TENM3: variants seen among roughly 807,000 people sequenced by gnomAD.
TENM3 encodes teneurin-3.
In TENM3, 63 loss-of-function variants were observed where a neutral mutation model predicts 255.1. That is an observed-to-expected ratio of 0.25 (90% CI 0.20 to 0.30). TENM3 has a LOEUF of 0.30. Among genes scored for constraint, TENM3 ranks in the 10% least tolerant of loss-of-function variants. The pLI, the probability that TENM3 is intolerant of heterozygous loss-of-function variation, is 1.00. For missense variants in TENM3, 2,929 were observed against 3,461.1 expected, an observed-to-expected ratio of 0.85 and a Z score of 3.86; for synonymous variants, 1,306 against 1,322.3, an observed-to-expected ratio of 0.99 and a Z score of 0.27.
At chr4:182,037,222 A>T in the TENM3 span, among the ~76,000 whole-genome samples, 1 of 149,544 alleles carries the variant, frequency 6.7e-6, no homozygotes, top group Admixed American at 6.7e-5. Flanking sequence ...ATCTCAGCCC[A>T]CTGCAACCTC....
At chr4:181,977,423 T>C in the TENM3 span, among the ~76,000 whole-genome samples, 1 of 152,200 alleles carries the variant, frequency 6.6e-6, no homozygotes, top group African/African-American at 2.4e-5. Context: ...GCCCATCCTG[T>C]TTCTAGTGTA....
chr4:182,149,211 A>C (rs1355261726), intron 1 of TENM3, among the ~76,000 whole-genome samples: 1 of 152,002 alleles, frequency 6.6e-6, no homozygotes. Flanking sequence ...AAATAGTTTT[A>C]AATGCTAAAA....
the TENM3 span, among the ~76,000 whole-genome samples, chr4:181,795,075 G>A: frequency 3.3e-5 from 5 of 152,190 alleles, no homozygotes; most frequent in African/African-American, 9.7e-5. Context: ...TTTAGGCAGA[G>A]TCATTTCTAC....
chr4:182,697,110 A>G (rs1418212493), intron 12 of TENM3, among the ~76,000 whole-genome samples: 2 of 152,164 alleles, frequency 1.3e-5, no homozygotes, highest in East Asian at 1.9e-4. Flanking sequence ...AACACCCTAT[A>G]GATGTTTCTT....
intron 3 of TENM3, among the ~76,000 whole-genome samples, chr4:182,358,440 T>C (rs561076403): frequency 0.029 from 4,427 of 151,996 alleles, 123 homozygotes; most frequent in African/African-American, 0.071. Context: ...TCACATCCCT[T>C]GTAAGGTGGA....
chr4:182,076,268 G>A, the TENM3 span, among the ~76,000 whole-genome samples: 9 of 140,496 alleles, frequency 6.4e-5, no homozygotes, highest in African/African-American at 1.3e-4. Flanking sequence ...AGGTTGGCAT[G>A]ATCTTGGCTC....
the TENM3 span, among the ~76,000 whole-genome samples, chr4:181,716,648 G>T: frequency 2.0e-5 from 3 of 152,156 alleles, no homozygotes; most frequent in Non-Finnish European, 4.4e-5. Context: ...CATAAAAATA[G>T]AGTCTACATC....
chr4:181,490,429 C>A, the TENM3 span, among the ~76,000 whole-genome samples: 5 of 152,240 alleles, frequency 3.3e-5, no homozygotes, highest in Non-Finnish European at 5.9e-5. Context: ...TCTGGGACAA[C>A]GCTAATACTG....
At chr4:181,920,730 T>G in the TENM3 span, among the ~76,000 whole-genome samples, 118 of 151,892 alleles carry the variant, frequency 7.8e-4, 1 homozygote, top group East Asian at 0.018. Context: ...AGAAGCTCTT[T>G]AGTTTAATTA....
At position 182,792,152 on chromosome 4, in the gene TENM3, A is replaced by T; in HGVS notation, c.5602-122A>T. On this transcript the variant is annotated intron_variant, in intron 25 of 27. Coordinates refer to ENST00000511685, the MANE Select transcript of TENM3 (RefSeq NM_001080477.4). This position sits in a 1 kb window ranked among gnomAD's most constrained non-coding sequence, Gnocchi z 6.3. ...GTTAACAACACGCAAGGTCAAGGATAACTCAATTAAAATGAAAATCATTTT... is the reference window on the plus strand; with the variant it reads ...GTTAACAACACGCAAGGTCAAGGATTACTCAATTAAAATGAAAATCATTTT... 2.1e-6 allele frequency: 2 copies of T among 960,548 alleles called. No individual in the cohort carries two copies. Among genetic ancestry groups the T allele is most frequent in the Non-Finnish European group, 3.1e-6 (2 of 636,622 alleles). The allele number at this position is 960,548 out of a possible 1,614,324, so 59.5% of individuals were successfully genotyped here.
chr4:182,554,438 G>A (rs574407564), intron 3 of TENM3, among the ~76,000 whole-genome samples: 4 of 152,212 alleles, frequency 2.6e-5, no homozygotes, highest in African/African-American at 9.6e-5. Flanking sequence ...ATTTTACCAA[G>A]AATTACAGTT....
chr4:182,500,462 T>C (rs1736202245), intron 3 of TENM3, among the ~76,000 whole-genome samples: 1 of 152,192 alleles, frequency 6.6e-6, no homozygotes, highest in African/African-American at 2.4e-5. Context: ...ATTTTTCACA[T>C]TGCCAAAGAT....
At chr4:182,455,861 C>T (rs1157630004) in intron 3 of TENM3, among the ~76,000 whole-genome samples, 4 of 152,174 alleles carry the variant, frequency 2.6e-5, no homozygotes, top group African/African-American at 9.7e-5. Flanking sequence ...CGCACCCGGC[C>T]TTGCACAGCA....
At chr4:181,507,736 A>G in the TENM3 span, among the ~76,000 whole-genome samples, 4 of 152,244 alleles carry the variant, frequency 2.6e-5, no homozygotes, top group Non-Finnish European at 5.9e-5. Flanking sequence ...GCTCAAATCG[A>G]TTGTTTTATC....
At chr4:182,116,831 C>T in the TENM3 span, among the ~76,000 whole-genome samples, 1 of 152,084 alleles carries the variant, frequency 6.6e-6, no homozygotes, top group African/African-American at 2.4e-5. Context: ...TGGTTGTTTG[C>T]AAGTTTTGGA....
the TENM3 span, chr4:181,834,762 A>T: frequency 6.6e-6 from 1 of 152,336 alleles, no homozygotes; most frequent in African/African-American, 2.4e-5. Flanking sequence ...TCTACAGCCA[A>T]CCTGTTGGGG....
At chr4:182,215,997 G>C (rs28656432) in intron 1 of TENM3, among the ~76,000 whole-genome samples, 1,840 of 152,222 alleles carry the variant, frequency 0.012, 31 homozygotes, top group African/African-American at 0.042. Context: ...CCCAGCAAGT[G>C]GTCTCAAAGT....
intron 1 of TENM3, among the ~76,000 whole-genome samples, chr4:182,174,655 C>T (rs978600022): frequency 3.9e-5 from 6 of 151,924 alleles, no homozygotes; most frequent in Admixed American, 1.3e-4. Flanking sequence ...CAGTTGAATG[C>T]GTATTAGAAA....
intron 3 of TENM3, among the ~76,000 whole-genome samples, chr4:182,568,974 G>A (rs1375457961): frequency 6.6e-6 from 1 of 152,212 alleles, no homozygotes; most frequent in Non-Finnish European, 1.5e-5. Flanking sequence ...GAGAGTGGTT[G>A]CCTGGAGTAG....
Sources: gnomAD v4.1 joint callset for allele counts (sites outside exome capture counted in the v4.1 genomes callset) on GRCh38, gnomAD v4.1.1 for gene constraint, Gnocchi (gnomAD v3.1) non-coding constraint, MANE v1.5 for transcripts, NCBI Gene and HGNC (gene_info 2026-07-23, HGNC 2026-07-21) for gene names.